The following BICDL1 variants were observed in gnomAD, a reference collection of about 807,000 sequenced individuals.
BICDL1 encodes BICD family like cargo adaptor 1, also known as BICD family-like cargo adapter 1.
BICDL1 carries 20 observed loss-of-function variants against 76.8 expected under a neutral mutation model. The ratio of observed to expected loss-of-function variants is 0.26; its 90% confidence interval spans 0.18 to 0.38. The LOEUF (loss-of-function observed/expected upper bound fraction) is 0.38, where lower values mean the gene tolerates loss of function less well. Among genes scored for constraint, BICDL1 ranks in the 10% least tolerant of loss-of-function variants. The pLI, the probability that BICDL1 is intolerant of heterozygous loss-of-function variation, is 1.00. For missense variants in BICDL1, 700 were observed against 798.6 expected (o/e 0.88, Z 1.49); for synonymous variants, 383 against 337.1 (o/e 1.14, Z -1.49).
rs1412050795 is a variant in BICDL1, at chr12:120,094,192, C to T, written c.*1031C>T. 4.4e-6 allele frequency: 2 copies of T among 451,592 alleles called. No homozygotes were observed. Among genetic ancestry groups the T allele is most frequent in the South Asian group, 1.6e-5 (1 of 64,308 alleles). 28.0% of individuals were successfully genotyped at this position (451,592 alleles called of 1,614,324 possible). A position where few individuals can be genotyped will look rare whatever the true frequency, so the allele number is the denominator to read the frequency against. ...TCCTGCCTCTGCAGCCGCCCCTCCT[C>T]CTCCACCCAGGCCCCAACTCAGAGG... On this transcript the variant is annotated 3_prime_UTR_variant, in exon 10 of 10. Coordinates refer to ENST00000548673, the MANE Select transcript of BICDL1 (RefSeq NM_001367886.1).
At chr12:119,996,997 A>G (rs1314636429) in intron 1 of BICDL1, among the ~76,000 whole-genome samples, 1 of 149,030 alleles carries the variant, frequency 6.7e-6, no homozygotes, top group East Asian at 2.0e-4. Flanking sequence ...CGTCCGGGCT[A>G]GAGTGCAGTG....
chr12:120,072,381 A>G, intron 5 of BICDL1, 130 bp from the exon 6 acceptor site: 1 of 791,648 alleles, frequency 1.3e-6, no homozygotes, highest in Non-Finnish European at 2.0e-6. Context: ...AAAAAAACAC[A>G]GAACAAAAAA....
At chr12:120,013,439 A>AGAGTGTGT (rs370032828) in intron 2 of BICDL1, among the ~76,000 whole-genome samples, 19 of 134,802 alleles carry the variant, frequency 1.4e-4, no homozygotes, top group African/African-American at 4.4e-4. Flanking sequence ...CTTTAACCAG[A>AGAGTGTGT]GTGTGTGTGT....
chr12:120,076,329 T>C (rs1873546787), intron 7 of BICDL1, among the ~76,000 whole-genome samples: 1 of 152,212 alleles, frequency 6.6e-6, no homozygotes, highest in Non-Finnish European at 1.5e-5. Context: ...GAAAGTTGAA[T>C]CTGTAAGGTC....
Position 120,094,228 on chromosome 12 carries a change from C to T in BICDL1, c.*1067C>T, listed in dbSNP as rs76990818. On this transcript the variant is annotated 3_prime_UTR_variant, in exon 10 of 10. Coordinates refer to ENST00000548673, the MANE Select transcript of BICDL1 (RefSeq NM_001367886.1). ...GCCCCAACTCAGAGGCTCCGCGGCC[C>T]GGCCAGCCCTCAGCTGCTCACAACC... 9.7e-3 allele frequency: 4,428 copies of T among 456,606 alleles called. 157 individuals carry two copies. Among genetic ancestry groups the T allele is most frequent in the African/African-American group, 0.078 (3,916 of 50,170 alleles). 28.3% of individuals were successfully genotyped at this position (456,606 alleles called of 1,614,324 possible). A position where few individuals can be genotyped will look rare whatever the true frequency, so the allele number is the denominator to read the frequency against.
At chr12:119,994,238 A>G (rs745315789) in intron 1 of BICDL1, among the ~76,000 whole-genome samples, 2 of 152,208 alleles carry the variant, frequency 1.3e-5, no homozygotes, top group Non-Finnish European at 2.9e-5. Context: ...GAGGAAGAAC[A>G]AAAGATGAAA....
chr12:119,993,972 C>T (rs1351509068), intron 1 of BICDL1, among the ~76,000 whole-genome samples: 3 of 152,204 alleles, frequency 2.0e-5, no homozygotes, highest in South Asian at 2.1e-4. Context: ...TACAATTAGC[C>T]GTTTTGCTTT....
At chr12:120,023,599 G>A (rs1002097399) in intron 2 of BICDL1, among the ~76,000 whole-genome samples, 1 of 152,056 alleles carries the variant, frequency 6.6e-6, no homozygotes, top group African/African-American at 2.4e-5. Context: ...GACCAGCCTG[G>A]CCAACAATGG....
At position 120,090,077 on chromosome 12, in the gene BICDL1, C is replaced by G. The variant is rs1367351902; in HGVS notation, c.1704+6C>G. On this transcript the variant is annotated splice_donor_region_variant and intron_variant, in intron 9 of 9. Coordinates refer to ENST00000548673, the MANE Select transcript of BICDL1 (RefSeq NM_001367886.1). ...AGCAGCTGGAAGCTTGGCAGGTAAA[C>G]TGGAGCCTGAGATCCAGGGCGAGAG... The G allele has an allele frequency of 6.2e-7, 1 of 1,613,680 alleles. No homozygotes were observed. Among genetic ancestry groups the G allele is most frequent in the Admixed American group, 1.7e-5 (1 of 60,016 alleles).
rs573077455 is a variant in BICDL1 at position 120,023,715 on chromosome 12, G to C, written c.645+24979G>C. On this transcript the variant is annotated intron_variant, in intron 2 of 9. Coordinates refer to ENST00000548673, the MANE Select transcript of BICDL1 (RefSeq NM_001367886.1). Reference sequence around the variant, plus strand: ...TGAGGTAGGAGAATCGCTTGAGCCTGGGAGGCAGAGGTTGCAGTGAGCTGA... The same window carrying C: ...TGAGGTAGGAGAATCGCTTGAGCCTCGGAGGCAGAGGTTGCAGTGAGCTGA... 4.6e-5 allele frequency among the ~76,000 whole-genome samples: 7 copies of C among 151,968 alleles called. No individual in the cohort carries two copies. In the South Asian group the frequency reaches 1.5e-3, roughly 32 times the overall value.
chr12:120,093,081 A>C lies in BICDL1; in HGVS notation c.1786A>C (p.Arg596=). 1 of 1,555,970 alleles carries C rather than the reference A, an allele frequency of 6.4e-7. No homozygotes were observed. The highest frequency in any genetic ancestry group is 1.1e-5 in the South Asian group (1 of 89,900). Residue 596 remains arginine, a synonymous_variant, in exon 10 of 10, where the codon AGG becomes CGG. Transcript: ENST00000548673. ...ERSQPAAALC[R]GHSAGRGDEP... is the part of the protein sequence containing the mutation. ...GAGCCAGCCGGCTGCTGCCCTCTGC[A>C]GGGGCCACAGCGCTGGGCGGGGGGA...
intron 4 of BICDL1, among the ~76,000 whole-genome samples, chr12:120,065,992 G>A (rs1274248739): frequency 6.6e-6 from 1 of 152,230 alleles, no homozygotes; most frequent in East Asian, 1.9e-4. Context: ...TCAATGTTGA[G>A]TAGAAAATGG....
At position 120,055,658 on chromosome 12, in the gene BICDL1, A is replaced by G. The variant is rs181386556; in HGVS notation, c.646-6052A>G. ...ATATTTTTCAAATGTTTTTTGCTTC[A>G]TCATGCAATCTGTATTCAGTGAAAG... On this transcript the variant is annotated intron_variant, in intron 2 of 9. Transcript: ENST00000548673. Among the ~76,000 whole-genome samples, 3 of 152,356 alleles carry G rather than the reference A, an allele frequency of 2.0e-5. No homozygotes were observed. In the East Asian group the frequency reaches 5.8e-4, roughly 29 times the overall value.
At chr12:120,019,930 G>A (rs1326794347) in intron 2 of BICDL1, among the ~76,000 whole-genome samples, 1 of 152,190 alleles carries the variant, frequency 6.6e-6, no homozygotes, top group African/African-American at 2.4e-5. Context: ...GAGCAGCTGT[G>A]ATGAAGAACC....
chr12:120,019,516 T>C (rs749767244), intron 2 of BICDL1, among the ~76,000 whole-genome samples: 1 of 152,222 alleles, frequency 6.6e-6, no homozygotes, highest in Non-Finnish European at 1.5e-5. Flanking sequence ...ATTTAATATT[T>C]TTTTCAAATT....
At chr12:120,014,204 AAAG>A (rs1412360404) in intron 2 of BICDL1, among the ~76,000 whole-genome samples, 3 of 152,364 alleles carry the variant, frequency 2.0e-5, no homozygotes, top group South Asian at 2.1e-4. Context: ...AGCTATTATT[AAAG>A]AAGAACTTCA....
At chr12:120,086,483 C>T (rs1278354894) in intron 8 of BICDL1, among the ~76,000 whole-genome samples, 1 of 152,040 alleles carries the variant, frequency 6.6e-6, no homozygotes, top group African/African-American at 2.4e-5. Flanking sequence ...GTTGAAATCA[C>T]GGGGTGGGGT....
chr12:120,032,490 T>C (rs1952442667), intron 2 of BICDL1, among the ~76,000 whole-genome samples: 1 of 152,250 alleles, frequency 6.6e-6, no homozygotes, highest in Non-Finnish European at 1.5e-5. Flanking sequence ...TTCCTCACCA[T>C]TGTAGCCCAC....
chr12:120,091,099 C>CTG, intron 9 of BICDL1: 1 of 1,272,658 alleles, frequency 7.9e-7, no homozygotes, highest in Non-Finnish European at 1.0e-6. Flanking sequence ...TCATGGCCCA[C>CTG]TGTGTTCTGT....
Sources: allele counts gnomAD v4.1 joint callset (sites outside exome capture counted in the v4.1 genomes callset), GRCh38; gene constraint gnomAD v4.1.1; transcripts MANE v1.5; gene names NCBI Gene and HGNC (gene_info 2026-07-23, HGNC 2026-07-21).